FAM107B: variants seen among roughly 807,000 people sequenced by gnomAD.
FAM107B encodes family with sequence similarity 107 member B.
Under a neutral mutation model 31.5 loss-of-function variants are expected in FAM107B, and 21 were observed. That is an observed-to-expected ratio of 0.67 (90% CI 0.47 to 0.96). The LOEUF is 0.96. Ranked by LOEUF, FAM107B falls within the 40% of genes least tolerant of loss-of-function variation. FAM107B has a pLI of 0.00. For missense variants in FAM107B, 452 were observed against 377.1 expected (o/e 1.20, Z -1.64); for synonymous variants, 157 against 141.5 (o/e 1.11, Z -0.78).
At chr10:14,559,454 C>T (rs1850036067) in intron 2 of FAM107B, among the ~76,000 whole-genome samples, 2 of 149,508 alleles carry the variant, frequency 1.3e-5, no homozygotes, top group African/African-American at 4.9e-5. Context: ...GATTTAAATC[C>T]CCCGGTTCTC....
intron 2 of FAM107B, among the ~76,000 whole-genome samples, chr10:14,613,030 G>T (rs769557539): frequency 2.6e-5 from 4 of 151,942 alleles, no homozygotes; most frequent in African/African-American, 9.7e-5. Flanking sequence ...AGAGTGCAGC[G>T]GCGCAATCTC....
At chr10:14,585,802 T>C (rs925867574) in intron 2 of FAM107B, among the ~76,000 whole-genome samples, 1 of 152,160 alleles carries the variant, frequency 6.6e-6, no homozygotes, top group African/African-American at 2.4e-5. Context: ...ACATAACAAA[T>C]ACTTCTCTGC....
chr10:14,715,268 G>A (rs1588725108), intron 1 of FAM107B, among the ~76,000 whole-genome samples: 1 of 152,000 alleles, frequency 6.6e-6, no homozygotes, highest in East Asian at 1.9e-4. Context: ...AAAGAAATCA[G>A]AGCTCAAGAA....
intron 2 of FAM107B, among the ~76,000 whole-genome samples, chr10:14,649,025 C>T (rs867089813): frequency 6.6e-6 from 1 of 152,198 alleles, no homozygotes. Flanking sequence ...ATATAAAATT[C>T]TAAGCCCCAC....
At chr10:14,532,470 T>C (rs1019662340) in intron 2 of FAM107B, 1 of 152,324 alleles carries the variant, frequency 6.6e-6, no homozygotes. Context: ...AGGCTCAAAA[T>C]TATCAAACAG....
At chr10:14,537,688 A>T (rs768850734) in intron 2 of FAM107B, among the ~76,000 whole-genome samples, 1 of 151,890 alleles carries the variant, frequency 6.6e-6, no homozygotes, top group Non-Finnish European at 1.5e-5. Context: ...AAATACAAAA[A>T]GTTGGGTGTG....
chr10:14,632,302 C>T (rs1853376713), intron 2 of FAM107B, among the ~76,000 whole-genome samples: 1 of 44,154 alleles, frequency 2.3e-5, no homozygotes, highest in South Asian at 1.4e-3. Flanking sequence ...GAGACTCTGT[C>T]TCAAAAAAAA....
chr10:14,548,161 T>G (rs1162411344), intron 2 of FAM107B, among the ~76,000 whole-genome samples: 1 of 152,164 alleles, frequency 6.6e-6, no homozygotes, highest in Non-Finnish European at 1.5e-5. Flanking sequence ...AACCAGTTAC[T>G]ATGTCTCCTA....
chr10:14,661,921 T>C lies in FAM107B; in HGVS notation c.469+5713A>G, dbSNP rs780696341. On this transcript the variant is annotated intron_variant, in intron 2 of 4. Coordinates refer to ENST00000181796, the MANE Select transcript of FAM107B (RefSeq NM_031453.4). The stretch of plus-strand genomic sequence containing the variant: ...CATGCAGTTCTCTCTGTCTGTGGCA[T>C]TGTGGCCTTTCCCTTGTCACTATTA... Among the ~76,000 whole-genome samples, 5 of 152,198 alleles carry C rather than the reference T, an allele frequency of 3.3e-5. No individual in the cohort carries two copies. In the East Asian group the frequency reaches 7.7e-4, roughly 23 times the overall value.
chr10:14,705,909 T>C lies in FAM107B; in HGVS notation c.412-38218A>G, dbSNP rs142172368. 4.5e-3 allele frequency among the ~76,000 whole-genome samples: 686 copies of C among 152,284 alleles called. 3 individuals are homozygous for C. Among genetic ancestry groups the C allele is most frequent in the Non-Finnish European group, 7.0e-3 (475 of 68,028 alleles). ...TAACGTTAAGGCAACAGAAGTTACCTACAGATCAAGGTTTCAGGACCCAAC... is the reference window on the plus strand; with the variant it reads ...TAACGTTAAGGCAACAGAAGTTACCCACAGATCAAGGTTTCAGGACCCAAC... On this transcript the variant is annotated intron_variant, in intron 1 of 4. Coordinates refer to ENST00000181796, the MANE Select transcript of FAM107B (RefSeq NM_031453.4).
intron 2 of FAM107B, among the ~76,000 whole-genome samples, chr10:14,636,385 T>A (rs953054461): frequency 6.6e-6 from 1 of 152,086 alleles, no homozygotes; most frequent in Non-Finnish European, 1.5e-5. Flanking sequence ...AATGTATACG[T>A]TCTGCCTGTT....
intron 2 of FAM107B, among the ~76,000 whole-genome samples, chr10:14,540,357 T>C (rs931087458): frequency 1.3e-5 from 2 of 152,204 alleles, no homozygotes; most frequent in African/African-American, 4.8e-5. Context: ...AGACAACAAA[T>C]GTCATCCTTC....
At chr10:14,576,439 A>T (rs1175436932) in intron 2 of FAM107B, among the ~76,000 whole-genome samples, 1 of 152,172 alleles carries the variant, frequency 6.6e-6, no homozygotes, top group Non-Finnish European at 1.5e-5. Context: ...AGGTAGGCGA[A>T]TCATTTGAAC....
intron 2 of FAM107B, among the ~76,000 whole-genome samples, chr10:14,633,336 G>A (rs1853416238): frequency 6.6e-6 from 1 of 152,120 alleles, no homozygotes; most frequent in Non-Finnish European, 1.5e-5. Context: ...TTCCTTAAGG[G>A]AAGCAATACA....
At chr10:14,634,192 T>G (rs1052341149) in intron 2 of FAM107B, among the ~76,000 whole-genome samples, 1 of 151,914 alleles carries the variant, frequency 6.6e-6, no homozygotes, top group East Asian at 1.9e-4. Flanking sequence ...GTCAGGAGAT[T>G]GAGACCATCC....
chr10:14,702,955 C>T (rs915233472), intron 1 of FAM107B, among the ~76,000 whole-genome samples: 1 of 152,108 alleles, frequency 6.6e-6, no homozygotes, highest in East Asian at 1.9e-4. Flanking sequence ...CCTGATCGAC[C>T]CTATTACAAA....
intron 2 of FAM107B, among the ~76,000 whole-genome samples, chr10:14,643,749 T>C (rs966725133): frequency 6.6e-6 from 1 of 152,158 alleles, no homozygotes; most frequent in Non-Finnish European, 1.5e-5. Flanking sequence ...CAAACATTAA[T>C]GTCATCCAGA....
intron 2 of FAM107B, among the ~76,000 whole-genome samples, chr10:14,615,522 T>C (rs749502970): frequency 4.9e-4 from 75 of 152,208 alleles, no homozygotes; most frequent in Non-Finnish European, 8.5e-4. Flanking sequence ...TCTTCATTCA[T>C]GATGTTCCCT....
intron 2 of FAM107B, among the ~76,000 whole-genome samples, chr10:14,603,467 G>A (rs1852471400): frequency 6.6e-6 from 1 of 152,170 alleles, no homozygotes; most frequent in Non-Finnish European, 1.5e-5. Flanking sequence ...AGCAGGCTTG[G>A]TACCTTGCAG....
Sources: allele counts gnomAD v4.1 joint callset (sites outside exome capture counted in the v4.1 genomes callset), GRCh38; gene constraint gnomAD v4.1.1; transcripts MANE v1.5; gene names NCBI Gene and HGNC (gene_info 2026-07-23, HGNC 2026-07-21).